LCORL: variants seen among roughly 807,000 people sequenced by gnomAD.
The protein encoded by LCORL is ligand dependent nuclear receptor corepressor like.
In LCORL, 41 loss-of-function variants were observed where a neutral mutation model predicts 141.8. That is an observed-to-expected ratio of 0.29 (90% CI 0.23 to 0.38). The LOEUF (loss-of-function observed/expected upper bound fraction) is 0.38, where lower values mean the gene tolerates loss of function less well. LCORL is among the 10% of genes least tolerant of loss of function. The pLI, the probability that LCORL is intolerant of heterozygous loss-of-function variation, is 1.00. For missense variants in LCORL, 1,759 were observed against 2,035.0 expected, an observed-to-expected ratio of 0.86 and a Z score of 2.61; for synonymous variants, 618 against 694.1, an observed-to-expected ratio of 0.89 and a Z score of 1.72.
chr4:17,876,842 T>G, exon 7 of LCORL: 1 of 1,230,758 alleles, frequency 8.1e-7, no homozygotes, highest in Non-Finnish European at 1.0e-6. Flanking sequence ...TTTCTGAAAA[T>G]TCATTAAAAG....
At chr4:17,955,831 G>T (rs1485260513) in intron 4 of LCORL, among the ~76,000 whole-genome samples, 1 of 152,090 alleles carries the variant, frequency 6.6e-6, no homozygotes, top group African/African-American at 2.4e-5. Context: ...CATGAAAAAT[G>T]ATCATGGTTA....
chr4:17,856,856 C>G (rs1284307635), intron 7 of LCORL, among the ~76,000 whole-genome samples: 1 of 152,130 alleles, frequency 6.6e-6, no homozygotes, highest in Non-Finnish European at 1.5e-5. Context: ...ACAACTCAAC[C>G]TAAAGTAGCT....
At chr4:17,934,532 C>T (rs1373376838) in intron 4 of LCORL, among the ~76,000 whole-genome samples, 1 of 152,020 alleles carries the variant, frequency 6.6e-6, no homozygotes, top group Non-Finnish European at 1.5e-5. Flanking sequence ...ATTCATAAAG[C>T]TTAGTTCTGA....
chr4:17,907,712 C>CA (rs1433249320), intron 5 of LCORL, among the ~76,000 whole-genome samples: 1 of 152,158 alleles, frequency 6.6e-6, no homozygotes, highest in Non-Finnish European at 1.5e-5. Flanking sequence ...GGAACCCCCC[C>CA]ACCGGCTTTT....
chr4:17,929,448 T>C (rs1735663719), intron 4 of LCORL, among the ~76,000 whole-genome samples: 1 of 151,976 alleles, frequency 6.6e-6, no homozygotes, highest in African/African-American at 2.4e-5. Context: ...AAGAATCGAG[T>C]CCAAACATAA....
At chr4:17,989,432 A>G (rs1719587105) in intron 1 of LCORL, among the ~76,000 whole-genome samples, 2 of 152,198 alleles carry the variant, frequency 1.3e-5, no homozygotes, top group Non-Finnish European at 2.9e-5. Context: ...GACAGTGTCA[A>G]GGGCAAAATA....
intron 4 of LCORL, among the ~76,000 whole-genome samples, chr4:17,920,949 C>T (rs1734197187): frequency 6.6e-6 from 1 of 152,202 alleles, no homozygotes; most frequent in Non-Finnish European, 1.5e-5. Flanking sequence ...TTGGAATCAA[C>T]TTTTTCCAAA....
At chr4:17,930,643 ATGTCATGAC>A (rs1297012522) in intron 4 of LCORL, among the ~76,000 whole-genome samples, 2 of 152,214 alleles carry the variant, frequency 1.3e-5, no homozygotes, top group Non-Finnish European at 2.9e-5. Flanking sequence ...AATGGAATAA[ATGTCATGAC>A]TGTCATGTAT....
At chr4:17,938,694 T>G (rs1023625555) in intron 4 of LCORL, among the ~76,000 whole-genome samples, 18 of 152,148 alleles carry the variant, frequency 1.2e-4, no homozygotes, top group Admixed American at 6.5e-5. Context: ...ATTGCAGGTG[T>G]GAGCCACCGC....
At chr4:17,842,466 A>T (rs1361170042) in exon 8 of LCORL, 1 of 1,028,914 alleles carries the variant, frequency 9.7e-7, no homozygotes, top group East Asian at 2.5e-5. Context: ...CTTGCGAATG[A>T]GAGAGAATAT....
intron 4 of LCORL, among the ~76,000 whole-genome samples, chr4:17,939,518 T>A (rs1255343922): frequency 6.6e-6 from 1 of 152,138 alleles, no homozygotes; most frequent in Non-Finnish European, 1.5e-5. Flanking sequence ...TACACAAGAA[T>A]GTTCATAGCA....
In LCORL at chr4:17,842,452, T is replaced by C. The variant is rs1577217963; in HGVS notation, c.*3436A>G. ...ATTTCTACAAGTAGAAAAAAACTAATTTTCTTGCGAATGAGAGAGAATATA... is the reference window on the plus strand; with the variant it reads ...ATTTCTACAAGTAGAAAAAAACTAACTTTCTTGCGAATGAGAGAGAATATA... On this transcript the variant is annotated 3_prime_UTR_variant, in exon 8 of 8. Transcript: ENST00000635767. 1.1e-5 allele frequency: 14 copies of C among 1,228,676 alleles called. No individual in the cohort carries two copies. The East Asian group carries it at 3.4e-4, about 30-fold the overall frequency. 76.1% of individuals were successfully genotyped at this position (1,228,676 alleles called of 1,614,324 possible).
At chr4:17,911,232 CA>C (rs988829316) in intron 4 of LCORL, among the ~76,000 whole-genome samples, 33 of 150,008 alleles carry the variant, frequency 2.2e-4, no homozygotes, top group African/African-American at 4.9e-4. Context: ...AATAATATGA[CA>C]AAAAAAAAGA....
chr4:17,964,604 G>T (rs1469653056), intron 2 of LCORL, among the ~76,000 whole-genome samples: 1 of 152,016 alleles, frequency 6.6e-6, no homozygotes, highest in Non-Finnish European at 1.5e-5. Flanking sequence ...AGCTCCTATA[G>T]AACTGTAGCT....
intron 5 of LCORL, among the ~76,000 whole-genome samples, chr4:17,894,062 G>A (rs1327729459): frequency 2.0e-5 from 3 of 152,148 alleles, no homozygotes; most frequent in Admixed American, 6.5e-5. Context: ...GCATCTCAAA[G>A]TGCTGGGATT....
At chr4:18,019,231 C>A (rs982454166) in intron 1 of LCORL, among the ~76,000 whole-genome samples, 1 of 152,150 alleles carries the variant, frequency 6.6e-6, no homozygotes, top group African/African-American at 2.4e-5. Context: ...CCCAACTATT[C>A]GGGAGGCTCA....
intron 2 of LCORL, among the ~76,000 whole-genome samples, chr4:17,970,278 A>G (rs890323766): frequency 1.3e-5 from 2 of 152,166 alleles, no homozygotes; most frequent in Non-Finnish European, 2.9e-5. Context: ...GAATTGTACT[A>G]TAACATTTCA....
intron 7 of LCORL, among the ~76,000 whole-genome samples, chr4:17,872,438 C>CA (rs927929848): frequency 1.3e-5 from 2 of 151,954 alleles, no homozygotes; most frequent in African/African-American, 4.8e-5. Context: ...AAAACAACAA[C>CA]AAAAAAACAC....
At chr4:17,942,710 G>A (rs1577493308) in intron 4 of LCORL, among the ~76,000 whole-genome samples, 1 of 152,100 alleles carries the variant, frequency 6.6e-6, no homozygotes, top group African/African-American at 2.4e-5. Context: ...TGTATTTTCT[G>A]CTCTCTAGGA....
Sources: allele counts gnomAD v4.1 joint callset (sites outside exome capture counted in the v4.1 genomes callset), GRCh38; gene constraint gnomAD v4.1.1; transcripts MANE v1.5; gene names NCBI Gene and HGNC (gene_info 2026-07-23, HGNC 2026-07-21).